The following HSPA9 variants were observed in gnomAD, a reference collection of about 807,000 sequenced individuals.
HSPA9 encodes the protein stress-70 protein, mitochondrial.
A neutral mutation model predicts 81.5 loss-of-function variants in HSPA9; 28 were observed. The observed-to-expected ratio is 0.34, with a 90% CI of 0.25 to 0.47. The LOEUF (loss-of-function observed/expected upper bound fraction) is 0.47. Among genes scored for constraint, HSPA9 ranks in the 20% least tolerant of loss-of-function variants. The pLI is 1.00. For synonymous variants in HSPA9, 293 were observed against 290.4 expected (o/e 1.01, Z -0.09); for missense variants, 678 against 838.0 (o/e 0.81, Z 2.36).
chr5:138,558,741 A>C, intron 11 of HSPA9, 84 bp from the exon 12 acceptor site: 2 of 863,732 alleles, frequency 2.3e-6, no homozygotes, highest in Non-Finnish European at 4.0e-6. Flanking sequence ...AAAGGTTTAC[A>C]TTCCAAGACT....
intron 8 of HSPA9, 140 bp from the exon 9 acceptor site, chr5:138,566,858 T>C: frequency 8.8e-7 from 1 of 1,139,068 alleles, no homozygotes; most frequent in East Asian, 2.3e-5. Context: ...CCTTAATGTG[T>C]AGGGAAAAAA....
intron 2 of HSPA9, 49 bp from the exon 3 acceptor site, chr5:138,573,899 C>A: frequency 7.0e-7 from 1 of 1,436,488 alleles, no homozygotes; most frequent in Non-Finnish European, 9.8e-7. Context: ...CTTGATAGAC[C>A]AAAGTCACTG....
intron 9 of HSPA9, among the ~76,000 whole-genome samples, chr5:138,564,624 A>G (rs1210537447): frequency 2.0e-5 from 3 of 152,166 alleles, no homozygotes; most frequent in African/African-American, 7.2e-5. Context: ...GCTGGTCCCC[A>G]ATTCCTGAGC....
intron 12 of HSPA9, 31 bp downstream of exon 12, chr5:138,558,522 G>T: frequency 7.8e-7 from 1 of 1,279,072 alleles, no homozygotes; most frequent in Non-Finnish European, 1.1e-6. Context: ...CAGTGAAGGA[G>T]GCATAGTATT....
At chr5:138,564,564 C>T (rs1192460942) in intron 9 of HSPA9, among the ~76,000 whole-genome samples, 1 of 152,144 alleles carries the variant, frequency 6.6e-6, no homozygotes, top group Non-Finnish European at 1.5e-5. Flanking sequence ...GTGTAGTGCA[C>T]CACGCCCAGC....
rs752674215 is a variant in HSPA9, at chr5:138,569,095, T to C, written c.411-46A>G. ...ATTAGAGAAAACTACCTGAACAACT[T>C]ACCATGACAAAATTACCACATACCA... On this transcript the variant is annotated intron_variant, in intron 4 of 16. Coordinates refer to ENST00000297185, the MANE Select transcript of HSPA9 (RefSeq NM_004134.7). 8.2e-6 allele frequency: 13 copies of C among 1,594,282 alleles called. No homozygotes were observed. The Admixed American group carries it at 2.2e-4, about 27-fold the overall frequency.
Position 138,556,178 on chromosome 5 carries a change from T to C in HSPA9, c.1963-64A>G. On this transcript the variant is annotated intron_variant, in intron 16 of 16. Coordinates refer to ENST00000297185, the MANE Select transcript of HSPA9 (RefSeq NM_004134.7). ...TTAGAGCTAACCATTTGCTCTTTGT[T>C]GCACTCCAAGATGAGGGACCCACAT... 7 of 1,371,002 alleles carry C rather than the reference T, an allele frequency of 5.1e-6. No individual in the cohort carries two copies. In the South Asian group the frequency reaches 5.8e-5, roughly 11 times the overall value. 84.9% of individuals were successfully genotyped at this position (1,371,002 alleles called of 1,614,324 possible).
At chr5:138,563,869 T>C (rs1259200405) in intron 9 of HSPA9, among the ~76,000 whole-genome samples, 1 of 152,226 alleles carries the variant, frequency 6.6e-6, no homozygotes, top group Non-Finnish European at 1.5e-5. Flanking sequence ...AGGCTGCAGG[T>C]TGGACAAGCC....
At chr5:138,562,376 C>T (rs868238385) in intron 9 of HSPA9, among the ~76,000 whole-genome samples, 7 of 151,134 alleles carry the variant, frequency 4.6e-5, no homozygotes, top group South Asian at 4.2e-4. Context: ...GGTGAAACCC[C>T]GTCTCTACTA....
At chr5:138,557,316 A>C (rs898951380) in intron 14 of HSPA9, 86 bp downstream of exon 14, 1 of 890,046 alleles carries the variant, frequency 1.1e-6, no homozygotes, top group Middle Eastern at 2.1e-4. Flanking sequence ...GGATTACAGG[A>C]GTGAGACACT....
At chr5:138,565,332 C>A (rs546701759) in intron 9 of HSPA9, among the ~76,000 whole-genome samples, 1 of 152,174 alleles carries the variant, frequency 6.6e-6, no homozygotes, top group East Asian at 1.9e-4. Context: ...ATCAGCAAGA[C>A]CATGGATGCG....
chr5:138,571,269 A>G, intron 3 of HSPA9, 128 bp from the exon 4 acceptor site: 2 of 896,328 alleles, frequency 2.2e-6, no homozygotes, highest in Non-Finnish European at 3.5e-6. Context: ...CAACCTCCGC[A>G]TCCTGGGTTC....
chr5:138,554,682 G>A lies in HSPA9; in HGVS notation c.*1355C>T, dbSNP rs536335994. ...GTGTCTGATATTCTAAGCCCATCTTGATAACAGACTCTTTTGAACATGGCA... is the reference window on the plus strand; with the variant it reads ...GTGTCTGATATTCTAAGCCCATCTTAATAACAGACTCTTTTGAACATGGCA... On this transcript the variant is annotated 3_prime_UTR_variant, in exon 17 of 17. Coordinates refer to ENST00000297185, the MANE Select transcript of HSPA9 (RefSeq NM_004134.7). 2.6e-5 allele frequency among the ~76,000 whole-genome samples: 4 copies of A among 152,322 alleles called. No individual in the cohort carries two copies. The highest frequency in any genetic ancestry group is 4.4e-5 in the Non-Finnish European group (3 of 68,036).
Position 138,575,381 on chromosome 5 carries a change from T to C in HSPA9, c.-63A>G, listed in dbSNP as rs574593949. On this transcript the variant is annotated 5_prime_UTR_variant, in exon 1 of 17. Coordinates refer to ENST00000297185, the MANE Select transcript of HSPA9 (RefSeq NM_004134.7). ...GCTCCGACGGCAAAGAGCTGCGCGA[T>C]GCGGTGGCGGCAGCGCTTCTGGAAA... 1.1e-5 allele frequency: 15 copies of C among 1,399,130 alleles called. No individual in the cohort carries two copies. The highest frequency in any genetic ancestry group is 2.4e-5 in the South Asian group (2 of 84,550). 86.7% of individuals were successfully genotyped at this position (1,399,130 alleles called of 1,614,324 possible). A position where few individuals can be genotyped will look rare whatever the true frequency, so the allele number is the denominator to read the frequency against.
At chr5:138,559,798 G>C in intron 11 of HSPA9, 66 bp downstream of exon 11, 1 of 1,042,332 alleles carries the variant, frequency 9.6e-7, no homozygotes, top group Non-Finnish European at 1.5e-6. Flanking sequence ...TCATGAAAGT[G>C]GCTGCAATTA....
chr5:138,557,243 G>T, intron 14 of HSPA9, 159 bp downstream of exon 14: 2 of 681,094 alleles, frequency 2.9e-6, no homozygotes, highest in Non-Finnish European at 5.4e-6. Context: ...GGGACTGCAG[G>T]CGTGCACCAC....
intron 3 of HSPA9, among the ~76,000 whole-genome samples, chr5:138,573,220 G>C (rs1035622668): frequency 1.3e-5 from 2 of 151,784 alleles, no homozygotes; most frequent in Admixed American, 1.3e-4. Flanking sequence ...GTAGAGACGG[G>C]GTTTCACCAT....
At chr5:138,573,410 C>T (rs578201176) in intron 3 of HSPA9, among the ~76,000 whole-genome samples, 12 of 152,084 alleles carry the variant, frequency 7.9e-5, no homozygotes, top group Admixed American at 3.3e-4. Flanking sequence ...TCTGTAATCC[C>T]AGCACTTTGG....
At position 138,556,540 on chromosome 5, in the gene HSPA9, T is replaced by C. The variant is rs373475418; in HGVS notation, c.1874A>G (p.Lys625Arg). 1.9e-6 allele frequency: 3 copies of C among 1,614,136 alleles called. No homozygotes were observed. Among genetic ancestry groups the C allele is most frequent in the Non-Finnish European group, 2.5e-6 (3 of 1,180,006 alleles). ...ISKMRELLAR[K>R]DSETGENIRQ... ...AATATTTTCTCCTGTTTCGCTGTCT[T>C]TTCTAGCCAGGAGCTCCCTCATTTT... The change falls in exon 16 of 17, where the codon AAA becomes AGA. Residue 625 changes from lysine (K) to arginine (R), a missense_variant. Around this residue, in one of 4 missense-constraint regions of HSPA9, gnomAD observed 100 missense variants for 99.5 expected, o/e 1.00. Transcript: ENST00000297185.
Sources: gnomAD v4.1 joint callset for allele counts (sites outside exome capture counted in the v4.1 genomes callset) on GRCh38, gnomAD v4.1.1 for gene constraint, gnomAD v4.1.1 regional missense constraint, MANE v1.5 for transcripts, NCBI Gene and HGNC (gene_info 2026-07-23, HGNC 2026-07-21) for gene names.